Variants in IFT140 observed in about 807,000 individuals in gnomAD.
IFT140 encodes intraflagellar transport 140, also known as intraflagellar transport protein 140 homolog.
IFT140 carries 133 observed loss-of-function variants against 164.6 expected under a neutral mutation model. The ratio of observed to expected loss-of-function variants is 0.81; its 90% CI spans 0.70 to 0.93. The LOEUF (loss-of-function observed/expected upper bound fraction) is 0.93, where lower values mean the gene tolerates loss of function less well. Ranked by LOEUF, IFT140 falls within the 40% of genes least tolerant of loss-of-function variation. The probability of loss-of-function intolerance (pLI) is 0.00; values close to 1 mark genes in which losing one functional copy is unlikely to be tolerated. For missense variants in IFT140, 2,045 were observed against 1,972.3 expected, an observed-to-expected ratio of 1.04 and a Z score of -0.70; for synonymous variants, 860 against 817.3, an observed-to-expected ratio of 1.05 and a Z score of -0.89.
intron 4 of IFT140, among the ~76,000 whole-genome samples, chr16:1,601,705 G>A (rs1365792397): frequency 6.6e-6 from 1 of 152,218 alleles, no homozygotes; most frequent in East Asian, 1.9e-4. Context: ...TGTGCCTGAA[G>A]CAGCAGGATA....
Position 1,592,591 on chromosome 16 carries a change from G to A in IFT140, c.370-3C>T, listed in dbSNP as rs2035237022. 1 of 1,613,734 alleles carries A rather than the reference G, an allele frequency of 6.2e-7. No homozygotes were observed. The highest frequency in any genetic ancestry group is 1.3e-5 in the African/African-American group (1 of 74,948). On this transcript the variant is annotated splice_region_variant and splice_polypyrimidine_tract_variant and intron_variant, in intron 4 of 30. Transcript: ENST00000426508. ...CTCCACAAGAGCAAGACACCAAGCT[G>A]GAAAGACCCAACACCACGTGTTAGG...
In IFT140 at chr16:1,527,499, G is replaced by C. The variant is rs560593371; in HGVS notation, c.2400-703C>G. On this transcript the variant is annotated intron_variant, in intron 19 of 30. Transcript: ENST00000426508. Reference sequence around the variant, plus strand: ...GGGCAGTGAATTTTGTGTGTGTGAAGGAACAGGGTGCCAAGTGGGCAGAGC... The same window carrying C: ...GGGCAGTGAATTTTGTGTGTGTGAACGAACAGGGTGCCAAGTGGGCAGAGC... Among the ~76,000 whole-genome samples, 25 of 152,330 alleles carry C rather than the reference G, an allele frequency of 1.6e-4. No homozygotes were observed. In the South Asian group the frequency reaches 5.2e-3, roughly 32 times the overall value.
chr16:1,562,269 A>T (rs766423411), intron 17 of IFT140, among the ~76,000 whole-genome samples, 153 bp from the exon 18 acceptor site: 2 of 151,618 alleles, frequency 1.3e-5, no homozygotes, highest in Admixed American at 6.6e-5. Flanking sequence ...CTTTGATTAC[A>T]CCACCTTTTA....
At chr16:1,584,922 A>T (rs1420052963) in intron 10 of IFT140, among the ~76,000 whole-genome samples, 1 of 152,236 alleles carries the variant, frequency 6.6e-6, no homozygotes, top group Non-Finnish European at 1.5e-5. Flanking sequence ...AAACCCAGAC[A>T]TCAGAAACTG....
At chr16:1,598,416 C>T (rs1194800670) in intron 4 of IFT140, among the ~76,000 whole-genome samples, 1 of 152,084 alleles carries the variant, frequency 6.6e-6, no homozygotes, top group Non-Finnish European at 1.5e-5. Context: ...CGAGATGGCG[C>T]CACTGCACTC....
chr16:1,534,513 T>A (rs752786887), intron 19 of IFT140: 1 of 1,607,616 alleles, frequency 6.2e-7, no homozygotes, highest in Non-Finnish European at 8.5e-7. Flanking sequence ...GGGCTGGGGC[T>A]CCGAGGCAGC....
At chr16:1,528,029 T>C (rs1268359760) in intron 19 of IFT140, among the ~76,000 whole-genome samples, 1 of 152,174 alleles carries the variant, frequency 6.6e-6, no homozygotes, top group East Asian at 1.9e-4. Flanking sequence ...GAACCGTGTG[T>C]CCGCATGTGT....
chr16:1,576,245 C>T (rs569668398), intron 13 of IFT140, among the ~76,000 whole-genome samples: 13 of 147,830 alleles, frequency 8.8e-5, no homozygotes, highest in African/African-American at 3.3e-4. Flanking sequence ...GAGATCATGC[C>T]ACTGCACTCT....
rs1396169530 is a variant in IFT140, at chr16:1,564,844, G to A, written c.1902-682C>T. Reference sequence around the variant, plus strand: ...CTGAAGAAGGACAGGACCCGGTGCTGCAGGACATGAAGATCCCCTAGTAAG... The same window carrying A: ...CTGAAGAAGGACAGGACCCGGTGCTACAGGACATGAAGATCCCCTAGTAAG... On this transcript the variant is annotated intron_variant, in intron 16 of 30. Transcript: ENST00000426508. The surrounding 1 kb of genome is among the most constrained non-coding windows in gnomAD (Gnocchi z 5.5). Among the ~76,000 whole-genome samples, 2 of 152,200 alleles carry A rather than the reference G, an allele frequency of 1.3e-5. No homozygotes were observed. Among genetic ancestry groups the A allele is most frequent in the Non-Finnish European group, 2.9e-5 (2 of 68,040 alleles).
At chr16:1,519,728 G>A (rs1298309609) in intron 29 of IFT140, among the ~76,000 whole-genome samples, 153 bp downstream of exon 29, 1 of 152,220 alleles carries the variant, frequency 6.6e-6, no homozygotes, top group East Asian at 1.9e-4. Flanking sequence ...AGGGCTCCCA[G>A]GAGGAGGTGG....
chr16:1,560,471 G>C (rs1215481385), intron 18 of IFT140, among the ~76,000 whole-genome samples: 1 of 152,238 alleles, frequency 6.6e-6, no homozygotes, highest in Non-Finnish European at 1.5e-5. Flanking sequence ...TCACGTCATT[G>C]TCACAAGTTA....
At chr16:1,514,972 A>G (rs1236965243) in intron 30 of IFT140, among the ~76,000 whole-genome samples, 1 of 152,220 alleles carries the variant, frequency 6.6e-6, no homozygotes, top group Non-Finnish European at 1.5e-5. Flanking sequence ...TACAAGCTCT[A>G]AAAAGATTGC....
At chr16:1,538,362 A>G (rs1447949930) in intron 19 of IFT140, among the ~76,000 whole-genome samples, 2 of 152,208 alleles carry the variant, frequency 1.3e-5, no homozygotes, top group Admixed American at 6.5e-5. Context: ...AGGACAGGTC[A>G]GGGGTGCGTC....
chr16:1,557,821 G>A (rs561923086), intron 19 of IFT140, 114 bp downstream of exon 19: 39 of 983,146 alleles, frequency 4.0e-5, no homozygotes, highest in African/African-American at 3.1e-4. Flanking sequence ...ACACCATGAC[G>A]CAGTCATGAG....
In IFT140 at chr16:1,511,098, G is replaced by A. The variant is rs1402963385; in HGVS notation, c.4235C>T (p.Ser1412Phe). The A allele has an allele frequency of 1.2e-6, 2 of 1,610,720 alleles. No homozygotes were observed. The highest frequency in any genetic ancestry group is 1.7e-5 in the Admixed American group (1 of 59,722). ...MRRRLPLANMSYYVSPQAVDA... is the reference protein window; with the variant it reads ...MRRRLPLANMFYYVSPQAVDA... ...CACGGCCTGCGGGCTCACGTAGTAG[G>A]ACATGTTGGCCAAGGGAAGCCGCCG... The change falls in exon 31 of 31, where the codon TCC (serine) becomes TTC (phenylalanine). Residue 1412 changes from serine to phenylalanine, a missense_variant. By Grantham distance (155) the Ser-to-Phe change is radical (BLOSUM62 -2). Transcript: ENST00000426508.
At chr16:1,573,422 C>A (rs2034120169) in intron 13 of IFT140, among the ~76,000 whole-genome samples, 1 of 152,132 alleles carries the variant, frequency 6.6e-6, no homozygotes, top group South Asian at 2.1e-4. Context: ...ACATTCCCAA[C>A]TCCCAAAGTA....
chr16:1,526,148 C>T (rs1330000058), intron 20 of IFT140, 71 bp from the exon 21 acceptor site: 2 of 1,412,098 alleles, frequency 1.4e-6, no homozygotes, highest in Middle Eastern at 1.8e-4. Flanking sequence ...TGTTCCACGC[C>T]AGGCCACCGG....
chr16:1,530,761 T>G (rs974124846), intron 19 of IFT140: 1 of 149,472 alleles, frequency 6.7e-6, no homozygotes, highest in African/African-American at 2.5e-5. Flanking sequence ...GGCCCTGGTT[T>G]TGCTCTGGTT....
intron 13 of IFT140, 89 bp from the exon 14 acceptor site, chr16:1,571,623 T>A: frequency 7.5e-7 from 1 of 1,328,450 alleles, no homozygotes; most frequent in Non-Finnish European, 1.0e-6. Context: ...GAAATGGATA[T>A]ATTTCATGTG....
Sources: allele counts gnomAD v4.1 joint callset (sites outside exome capture counted in the v4.1 genomes callset), GRCh38; gene constraint gnomAD v4.1.1; non-coding constraint Gnocchi (gnomAD v3.1); transcripts MANE v1.5; gene names NCBI Gene and HGNC (gene_info 2026-07-23, HGNC 2026-07-21).